Variants in HEXD observed in about 807,000 individuals in gnomAD.
HEXD encodes the protein N-acetyl-beta-galactosaminidase.
In HEXD, 47 loss-of-function variants were observed where a neutral mutation model predicts 54.2. That is an observed-to-expected ratio of 0.87 (90% CI 0.69 to 1.11). The LOEUF is 1.11. Among genes scored for constraint, HEXD ranks in the 50% least tolerant of loss-of-function variants. The pLI is 0.00. For missense variants in HEXD, 576 were observed against 649.2 expected (o/e 0.89, Z 1.23); for synonymous variants, 293 against 287.6 (o/e 1.02, Z -0.19).
At chr17:82,419,160 C>T (rs1289723937) in intron 1 of HEXD, among the ~76,000 whole-genome samples, 1 of 152,178 alleles carries the variant, frequency 6.6e-6, no homozygotes. Context: ...TTCGTTATCC[C>T]TTGGATGCCG....
In HEXD at chr17:82,437,970, C is replaced by T. The variant is rs74446965; in HGVS notation, c.899+607C>T. 2.5e-3 allele frequency among the ~76,000 whole-genome samples: 375 copies of T among 152,308 alleles called. 3 individuals carry two copies. The highest frequency in any genetic ancestry group is 8.2e-3 in the African/African-American group (342 of 41,552). On this transcript the variant is annotated intron_variant, in intron 8 of 12. Coordinates refer to ENST00000327949, the MANE Select transcript of HEXD (RefSeq NM_001330542.2). ...TTACTCTAGGGGCTGAGTGCGGTGG[C>T]TCATGCCTGTTATCCCAGCACTCTG... is the stretch of plus-strand genomic sequence containing the variant.
Position 82,428,652 on chromosome 17 carries a change from G to A in HEXD, c.282+7G>A. The A allele has an allele frequency of 1.2e-6, 2 of 1,611,650 alleles. No homozygotes were observed. Among genetic ancestry groups the A allele is most frequent in the Non-Finnish European group, 1.7e-6 (2 of 1,177,844 alleles). On this transcript the variant is annotated splice_region_variant and intron_variant, in intron 4 of 12. Transcript: ENST00000327949. ...GACATTTGGACACATGGAGGTGAGT[G>A]GCAGAAATGGAAGTTACCTGGTGCC...
chr17:82,427,000 G>A (rs930112298), intron 3 of HEXD: 6 of 152,212 alleles, frequency 3.9e-5, no homozygotes, highest in African/African-American at 1.4e-4. Context: ...GCCAGGCATA[G>A]TGGTGGGCGC....
At chr17:82,432,901 AAAC>A (rs2053620133) in intron 4 of HEXD, among the ~76,000 whole-genome samples, 2 of 146,950 alleles carry the variant, frequency 1.4e-5, no homozygotes, top group African/African-American at 2.5e-5. Context: ...GTCTCTACTA[AAAC>A]AAAATACAAA....
At chr17:82,438,820 CAGA>C (rs2053846865) in intron 8 of HEXD, among the ~76,000 whole-genome samples, 1 of 152,260 alleles carries the variant, frequency 6.6e-6, no homozygotes, top group East Asian at 1.9e-4. Context: ...AGCGGCTCTG[CAGA>C]AGCTTCTAGA....
At chr17:82,438,495 G>A (rs913801547) in intron 8 of HEXD, among the ~76,000 whole-genome samples, 1 of 152,198 alleles carries the variant, frequency 6.6e-6, no homozygotes. Context: ...GGGCCTCCGT[G>A]GCATCACCCT....
chr17:82,429,606 A>G (rs530138776), intron 4 of HEXD, among the ~76,000 whole-genome samples: 92 of 152,182 alleles, frequency 6.0e-4, no homozygotes, highest in African/African-American at 2.0e-3. Flanking sequence ...CCTCCAGGTC[A>G]CTAAGTCCAG....
intron 9 of HEXD, chr17:82,440,251 G>GT (rs2053892678): frequency 7.8e-7 from 1 of 1,288,098 alleles, no homozygotes; most frequent in Non-Finnish European, 1.0e-6. Context: ...CGACTGCGTG[G>GT]TGCTGATGCA....
chr17:82,441,853 C>T lies in HEXD; in HGVS notation c.1217C>T (p.Pro406Leu), dbSNP rs765032022. The part of the protein sequence containing the change: ...PYHRQRKLIH[P>L]VMVQHIQPAA... ...CACCGCCAGCGGAAGCTCATCCACC[C>T]GGTCATGGTTCAGCACATCCAGCCC... The change falls in exon 12 of 13, where the codon CCG (proline) becomes CTG (leucine). Residue 406 changes from proline to leucine, a missense_variant. Pro to Leu is a moderately conservative substitution (Grantham distance 98). Transcript: ENST00000327949. 3.7e-6 allele frequency: 6 copies of T among 1,613,306 alleles called. No homozygotes were observed. Among genetic ancestry groups the T allele is most frequent in the South Asian group, 1.1e-5 (1 of 91,088 alleles).
chr17:82,424,516 G>A lies in HEXD; in HGVS notation c.194+13G>A, dbSNP rs375081521. 43 of 1,584,070 alleles carry A rather than the reference G, an allele frequency of 2.7e-5. No homozygotes were observed. The highest frequency in any genetic ancestry group is 1.7e-4 in the Middle Eastern group (1 of 6,028). ...AGTACGCCTACAGGTAACACTGCCC[G>A]TGGCAGGTACAGGGGCGCGGCGTGA... is the stretch of plus-strand genomic sequence containing the variant. On this transcript the variant is annotated intron_variant, in intron 3 of 12. Transcript: ENST00000327949.
rs371753824 is a variant in HEXD, at chr17:82,424,408, C to G, written c.99C>G (p.Phe33Leu). 3.3e-5 allele frequency: 54 copies of G among 1,613,656 alleles called. No individual in the cohort carries two copies. The highest frequency in any genetic ancestry group is 4.3e-5 in the Non-Finnish European group (51 of 1,179,710). ...TTACCCCCCAGATTTTTCCTCTGTT[C>G]CGTGCGCTAGGTGCAAACGGCCTCC... ...VSYLSEIFPL[F>L]RALGANGLLI... The change falls in exon 3 of 13, where the codon TTC (phenylalanine) becomes TTG (leucine). Residue 33 changes from phenylalanine (F) to leucine (L), a missense_variant. Transcript: ENST00000327949.
chr17:82,440,740 G>A lies in HEXD; in HGVS notation c.983-257G>A, dbSNP rs898806863. The A allele has an allele frequency of 1.2e-4, 65 of 522,466 alleles. No homozygotes were observed. In the Middle Eastern group the frequency reaches 2.1e-3, roughly 17 times the overall value. 32.4% of individuals were successfully genotyped at this position (522,466 alleles called of 1,614,324 possible). A position where few individuals can be genotyped will look rare whatever the true frequency, so the allele number is the denominator to read the frequency against. ...AGGAAGAGCCACTTGCTGTCCGGGT[G>A]TTGCTGCTGGCAACACAGTCTTACT... On this transcript the variant is annotated intron_variant, in intron 9 of 12. Coordinates refer to ENST00000327949, the MANE Select transcript of HEXD (RefSeq NM_001330542.2).
intron 8 of HEXD, 147 bp from the exon 9 acceptor site, chr17:82,439,484 G>A: frequency 7.0e-7 from 1 of 1,422,938 alleles, no homozygotes; most frequent in Non-Finnish European, 9.1e-7. Context: ...GAAACCCTGG[G>A]CCCCATGGGT....
intron 2 of HEXD, chr17:82,423,404 C>A (rs2053295246): frequency 6.6e-6 from 1 of 152,324 alleles, no homozygotes; most frequent in Non-Finnish European, 1.5e-5. Context: ...GTAGTCCCAG[C>A]TCCTTGGAAG....
At chr17:82,436,997 G>A (rs117926109) in intron 7 of HEXD, 171 bp from the exon 8 acceptor site, 17,363 of 693,430 alleles carry the variant, frequency 0.025, 275 homozygotes, top group Admixed American at 0.05. Flanking sequence ...GAGTCTCCCC[G>A]ACTGGGACCC....
At chr17:82,433,990 C>G (rs536846155) in intron 5 of HEXD, among the ~76,000 whole-genome samples, 168 bp downstream of exon 5, 2 of 152,150 alleles carry the variant, frequency 1.3e-5, no homozygotes, top group East Asian at 1.9e-4. Flanking sequence ...TGGCACGGGA[C>G]AGCCTGCGGA....
rs574965215 is a variant in HEXD, at chr17:82,419,105, G to A, written c.-52+365G>A. Among the ~76,000 whole-genome samples, 332 of 152,188 alleles carry A rather than the reference G, an allele frequency of 2.2e-3. 1 individual carries two copies. Among genetic ancestry groups the A allele is most frequent in the African/African-American group, 7.6e-3 (314 of 41,496 alleles). ...TCCTTTGTGCTTTCATAGTAGATAG[G>A]AAAAATAAATAAAAAATACATAAAT... On this transcript the variant is annotated intron_variant, in intron 1 of 12. Transcript: ENST00000327949.
In HEXD at chr17:82,434,041, T is replaced by A. The variant is rs374011640; in HGVS notation, c.447+219T>A. ...CCTCGTGTCAGACGCGTCCAACATC[T>A]TCTCCGGGTGGATGGGCGGCCTGGC... On this transcript the variant is annotated intron_variant, in intron 5 of 12. Coordinates refer to ENST00000327949, the MANE Select transcript of HEXD (RefSeq NM_001330542.2). This position sits in a 1 kb window ranked among gnomAD's most constrained non-coding sequence, Gnocchi z 4.5. Among the ~76,000 whole-genome samples the A allele has an allele frequency of 1.3e-5, 2 of 151,328 alleles. No individual in the cohort carries two copies. The highest frequency in any genetic ancestry group is 3.9e-4 in the East Asian group (2 of 5,140).
chr17:82,442,171 C>T lies in HEXD; in HGVS notation c.1254-6C>T. On this transcript the variant is annotated splice_polypyrimidine_tract_variant and splice_region_variant and intron_variant, in intron 12 of 12. Transcript: ENST00000327949. This position sits in a 1 kb window ranked among gnomAD's most constrained non-coding sequence, Gnocchi z 6.8. The stretch of plus-strand genomic sequence containing the variant: ...GACTGTGCGTTCATGGCGCCCTCAC[C>T]TGCAGCCTCCTGGCACAGTGGAGCA... The T allele has an allele frequency of 6.3e-7, 1 of 1,592,844 alleles. No individual in the cohort carries two copies. The highest frequency in any genetic ancestry group is 8.5e-7 in the Non-Finnish European group (1 of 1,172,604).
Sources: allele counts gnomAD v4.1 joint callset (sites outside exome capture counted in the v4.1 genomes callset), GRCh38; gene constraint gnomAD v4.1.1; non-coding constraint Gnocchi (gnomAD v3.1); transcripts MANE v1.5; gene names NCBI Gene and HGNC (gene_info 2026-07-23, HGNC 2026-07-21).